Variants in NRG1 observed in about 807,000 individuals in gnomAD.
NRG1 encodes pro-neuregulin-1, membrane-bound isoform.
In NRG1, 18 loss-of-function variants were observed where a neutral mutation model predicts 63.8. The ratio of observed to expected loss-of-function variants is 0.28; its 90% CI spans 0.19 to 0.42. NRG1 has a LOEUF of 0.42. Ranked by LOEUF, NRG1 falls within the 10% of genes least tolerant of loss-of-function variation. The pLI is 1.00. For missense variants in NRG1, 762 were observed against 814.7 expected (o/e 0.94, Z 0.79); for synonymous variants, 302 against 301.3 (o/e 1.00, Z -0.02).
At chr8:32,540,838 T>C (rs750580562) in intron 1 of NRG1, among the ~76,000 whole-genome samples, 5 of 152,100 alleles carry the variant, frequency 3.3e-5, no homozygotes, top group Non-Finnish European at 7.4e-5. Flanking sequence ...GCCAACCCAA[T>C]CTTTATGATT....
chr8:32,667,730 C>T (rs1245152232), intron 5 of NRG1, among the ~76,000 whole-genome samples: 2 of 151,994 alleles, frequency 1.3e-5, no homozygotes, highest in Admixed American at 6.6e-5. Flanking sequence ...TTTATAAGAT[C>T]TCTCATCTTA....
At chr8:31,949,103 AGAT>A (rs1803071362) in intron 1 of NRG1, among the ~76,000 whole-genome samples, 1 of 152,240 alleles carries the variant, frequency 6.6e-6, no homozygotes, top group Non-Finnish European at 1.5e-5. Context: ...GTTTTATCAA[AGAT>A]GATGATAATC....
intron 1 of NRG1, among the ~76,000 whole-genome samples, chr8:31,697,896 C>CT (rs5890596): frequency 0.27 from 38,209 of 143,058 alleles, 5,102 homozygotes; most frequent in Admixed American, 0.3. Context: ...CTCTTTCTTT[C>CT]TTTTTTTTTT....
chr8:31,670,614 A>G (rs1437482896), intron 1 of NRG1, among the ~76,000 whole-genome samples: 1 of 151,664 alleles, frequency 6.6e-6, no homozygotes, highest in Non-Finnish European at 1.5e-5. Flanking sequence ...AGAGATGATC[A>G]GAGAAAGGGA....
intron 1 of NRG1, among the ~76,000 whole-genome samples, chr8:31,851,923 A>G (rs901162729): frequency 6.6e-6 from 1 of 150,890 alleles, no homozygotes; most frequent in East Asian, 2.0e-4. Flanking sequence ...CCATGTCCCT[A>G]CAAAGGACAT....
Position 32,722,009 on chromosome 8 carries a change from A to AT in NRG1, c.503-5938dup, listed in dbSNP as rs1328075964. The AT allele has an allele frequency of 3.9e-6, 6 of 1,548,940 alleles. No individual in the cohort carries two copies. The Admixed American group carries it at 1.2e-4, about 31-fold the overall frequency. On this transcript the variant is annotated intron_variant, in intron 5 of 11. Coordinates refer to ENST00000356819, the Ensembl canonical transcript of NRG1. Reference sequence around the variant, plus strand: ...CTTCAAAGAGCAGGAAAGTATGCAGATTCCTAAACACATAAGCATTGAAGA... The same window carrying AT: ...CTTCAAAGAGCAGGAAAGTATGCAGATTTCCTAAACACATAAGCATTGAAGA...
intron 1 of NRG1, among the ~76,000 whole-genome samples, chr8:32,084,793 C>T (rs966418862): frequency 6.6e-6 from 1 of 152,084 alleles, no homozygotes; most frequent in African/African-American, 2.4e-5. Flanking sequence ...AGCCCTGCTT[C>T]AAGGAGAGAT....
chr8:31,902,696 C>T (rs1239359559), intron 1 of NRG1, among the ~76,000 whole-genome samples: 1 of 151,856 alleles, frequency 6.6e-6, no homozygotes, highest in African/African-American at 2.4e-5. Flanking sequence ...GTGCAATATC[C>T]AGAAATACAT....
chr8:32,671,602 G>A (rs778592773), intron 5 of NRG1, among the ~76,000 whole-genome samples: 5 of 152,084 alleles, frequency 3.3e-5, no homozygotes, highest in Admixed American at 1.3e-4. Flanking sequence ...GCACACACAT[G>A]CAACCAATTT....
At position 31,990,870 on chromosome 8, in the gene NRG1, A is replaced by G. The variant is rs563916384; in HGVS notation, c.37+351439A>G. ...TTGTTGCCAAGTCAATGAGGAGACA[A>G]TGTTCACATGGAGACCCTTGGGCAC... On this transcript the variant is annotated intron_variant, in intron 1 of 10. Coordinates refer to the NRG1 transcript ENST00000519301. 7.2e-5 allele frequency among the ~76,000 whole-genome samples: 11 copies of G among 152,192 alleles called. No individual in the cohort carries two copies. The East Asian group carries it at 7.8e-4, about 11-fold the overall frequency.
At position 31,730,727 on chromosome 8, in the gene NRG1, C is replaced by G. The variant is rs115363958; in HGVS notation, c.37+91296C>G. 2.3e-3 allele frequency among the ~76,000 whole-genome samples: 351 copies of G among 152,056 alleles called. 3 individuals are homozygous for G. Among genetic ancestry groups the G allele is most frequent in the African/African-American group, 8.0e-3 (334 of 41,512 alleles). ...CAGAGCAAACATGAAATCCAGATCC[C>G]ATAAAATAAAAATACGAAGTACTTA... On this transcript the variant is annotated intron_variant, in intron 1 of 10. Coordinates refer to the NRG1 transcript ENST00000519301.
At chr8:31,710,552 A>AT (rs1163523455) in intron 1 of NRG1, among the ~76,000 whole-genome samples, 1 of 151,982 alleles carries the variant, frequency 6.6e-6, no homozygotes, top group Non-Finnish European at 1.5e-5. Flanking sequence ...ATTCATAACA[A>AT]TTTTTTGTGA....
intron 1 of NRG1, among the ~76,000 whole-genome samples, chr8:31,832,052 T>C (rs1437181868): frequency 6.6e-6 from 1 of 152,178 alleles, no homozygotes; most frequent in African/African-American, 2.4e-5. Flanking sequence ...AAGACAGCCC[T>C]AATTGAGGCA....
At chr8:31,650,881 T>G (rs1804772821) in intron 1 of NRG1, among the ~76,000 whole-genome samples, 1 of 152,196 alleles carries the variant, frequency 6.6e-6, no homozygotes, top group Non-Finnish European at 1.5e-5. Flanking sequence ...AGTACCTGTG[T>G]GATTGTGGGT....
Position 31,995,616 on chromosome 8 carries a change from C to T in NRG1, c.37+356185C>T, listed in dbSNP as rs114971023. ...GTGAGGACCCTGGGTTATGTCTGATCGTTGGGCGGGGAGGGGGCTTTAAGG... is the reference window on the plus strand; with the variant it reads ...GTGAGGACCCTGGGTTATGTCTGATTGTTGGGCGGGGAGGGGGCTTTAAGG... On this transcript the variant is annotated intron_variant, in intron 1 of 10. Transcript: ENST00000519301. Among the ~76,000 whole-genome samples the T allele has an allele frequency of 3.9e-3, 598 of 151,934 alleles. 3 individuals are homozygous for T. Among genetic ancestry groups the T allele is most frequent in the African/African-American group, 0.014 (577 of 41,504 alleles).
At chr8:31,845,106 C>CAAATAAATAAAT (rs3052830) in intron 1 of NRG1, among the ~76,000 whole-genome samples, 1,596 of 146,278 alleles carry the variant, frequency 0.011, 16 homozygotes, top group African/African-American at 0.02. Flanking sequence ...GACTCCGTCT[C>CAAATAAATAAAT]AAATAAATAA....
chr8:32,233,549 A>ATC (rs1847191072), intron 1 of NRG1, among the ~76,000 whole-genome samples: 1 of 71,524 alleles, frequency 1.4e-5, no homozygotes, highest in Non-Finnish European at 2.8e-5. Context: ...ATATATATAT[A>ATC]TATATATATA....
chr8:32,454,686 C>A (rs2129488320), intron 1 of NRG1, among the ~76,000 whole-genome samples: 1 of 150,624 alleles, frequency 6.6e-6, no homozygotes, highest in East Asian at 2.0e-4. Flanking sequence ...AGCCACCGTG[C>A]CTGGCCAGCT....
At chr8:31,920,208 G>A (rs572505276) in intron 1 of NRG1, among the ~76,000 whole-genome samples, 6 of 152,138 alleles carry the variant, frequency 3.9e-5, no homozygotes, top group East Asian at 1.9e-4. Flanking sequence ...TTTGCTTAGC[G>A]TAGATTAGAA....
Sources: allele counts gnomAD v4.1 joint callset (sites outside exome capture counted in the v4.1 genomes callset), GRCh38; gene constraint gnomAD v4.1.1; transcripts MANE v1.5; gene names NCBI Gene and HGNC (gene_info 2026-07-23, HGNC 2026-07-21).